Variants in WWOX observed in about 807,000 individuals in gnomAD.
WWOX encodes the protein WW domain-containing oxidoreductase.
In WWOX, 69 loss-of-function variants were observed where a neutral mutation model predicts 46.2. That is an observed-to-expected ratio of 1.49 (90% CI 1.23 to 1.82). The LOEUF is 1.82. Ranked by LOEUF, WWOX falls within the 40% of genes most tolerant of loss-of-function variation. The probability of loss-of-function intolerance (pLI) is 0.00; values close to 1 mark genes in which losing one functional copy is unlikely to be tolerated. For synonymous variants in WWOX, 359 were observed against 202.6 expected, an observed-to-expected ratio of 1.77 and a Z score of -6.56; for missense variants, 919 against 542.6, an observed-to-expected ratio of 1.69 and a Z score of -6.89.
chr16:78,837,708 C>G (rs11865891), intron 8 of WWOX, among the ~76,000 whole-genome samples: 1 of 152,102 alleles, frequency 6.6e-6, no homozygotes, highest in Non-Finnish European at 1.5e-5. Flanking sequence ...GATTAGAAAT[C>G]CAAGTGAATT....
At chr16:79,091,429 G>C (rs189923518) in intron 8 of WWOX, among the ~76,000 whole-genome samples, 4 of 152,098 alleles carry the variant, frequency 2.6e-5, no homozygotes, top group African/African-American at 9.7e-5. Flanking sequence ...ACATATACCA[G>C]CTTCCCCACT....
At chr16:78,321,755 A>G (rs1049507747) in intron 5 of WWOX, among the ~76,000 whole-genome samples, 21 of 152,198 alleles carry the variant, frequency 1.4e-4, no homozygotes, top group African/African-American at 4.8e-4. Context: ...TGGCGTCAGC[A>G]CACACATCAC....
chr16:78,430,197 C>G (rs1184547676), intron 7 of WWOX, among the ~76,000 whole-genome samples: 6 of 152,084 alleles, frequency 3.9e-5, no homozygotes, highest in Admixed American at 3.3e-4. Context: ...ATAAAACCAT[C>G]AGATTTCGTG....
chr16:78,375,340 C>G (rs1307435165), intron 5 of WWOX, among the ~76,000 whole-genome samples: 2 of 152,198 alleles, frequency 1.3e-5, no homozygotes, highest in Non-Finnish European at 1.5e-5. Flanking sequence ...GCCTGAGTTT[C>G]CAAATGGCTT....
At chr16:78,373,199 A>C (rs573576124) in intron 5 of WWOX, among the ~76,000 whole-genome samples, 5 of 152,110 alleles carry the variant, frequency 3.3e-5, no homozygotes, top group African/African-American at 1.2e-4. Context: ...TTCAGACTCA[A>C]TAGGTACTAG....
chr16:79,003,110 C>T (rs898664656), intron 8 of WWOX, among the ~76,000 whole-genome samples: 4 of 152,196 alleles, frequency 2.6e-5, no homozygotes, highest in Admixed American at 6.5e-5. Flanking sequence ...TTCCAGAACC[C>T]TCTTTTGCAG....
intron 5 of WWOX, among the ~76,000 whole-genome samples, chr16:78,284,684 A>G (rs1156780291): frequency 6.6e-6 from 1 of 152,216 alleles, no homozygotes; most frequent in Non-Finnish European, 1.5e-5. Flanking sequence ...CTCTGCAGGC[A>G]TTAATAAAAT....
rs181695287 is a variant in WWOX at position 78,209,935 on chromosome 16, G to A, written c.516+45646G>A. 2.6e-5 allele frequency among the ~76,000 whole-genome samples: 4 copies of A among 151,964 alleles called. No individual in the cohort carries two copies. In the East Asian group the frequency reaches 5.8e-4, roughly 22 times the overall value. ...AGTAATTTTCTTCGTTCTTTCTGAAGAATTGCCACACAGGGAATGAAAAGA... is the reference window on the plus strand; with the variant it reads ...AGTAATTTTCTTCGTTCTTTCTGAAAAATTGCCACACAGGGAATGAAAAGA... On this transcript the variant is annotated intron_variant, in intron 5 of 8. Coordinates refer to ENST00000566780, the MANE Select transcript of WWOX (RefSeq NM_016373.4).
At chr16:78,251,788 T>A (rs1937199415) in intron 5 of WWOX, among the ~76,000 whole-genome samples, 1 of 152,154 alleles carries the variant, frequency 6.6e-6, no homozygotes, top group Non-Finnish European at 1.5e-5. Context: ...TTAGTCAGCC[T>A]CTCCCTACTC....
chr16:78,905,795 C>T lies in WWOX; in HGVS notation c.1057-305813C>T, dbSNP rs118106384. On this transcript the variant is annotated intron_variant, in intron 8 of 8. Transcript: ENST00000566780. ...ATACAATGTAGTTTAAAACCAACTT[C>T]TTAGAACCATGAGCTAAGGGGGAAT... 1.5e-3 allele frequency among the ~76,000 whole-genome samples: 235 copies of T among 152,270 alleles called. 4 individuals carry two copies. In the East Asian group the frequency reaches 0.036, roughly 23 times the overall value.
At chr16:79,048,264 G>C (rs922415519) in intron 8 of WWOX, among the ~76,000 whole-genome samples, 2 of 152,050 alleles carry the variant, frequency 1.3e-5, no homozygotes, top group Non-Finnish European at 2.9e-5. Flanking sequence ...GCTGAGAAAA[G>C]TGATCCTGAA....
chr16:78,833,901 C>T (rs146185437), intron 8 of WWOX, among the ~76,000 whole-genome samples: 57 of 152,368 alleles, frequency 3.7e-4, no homozygotes, highest in African/African-American at 1.4e-3. Flanking sequence ...CTTTGTCTCC[C>T]AGTGGAATAT....
intron 8 of WWOX, among the ~76,000 whole-genome samples, chr16:79,171,415 C>G (rs1157903206): frequency 6.6e-6 from 1 of 152,208 alleles, no homozygotes. Flanking sequence ...TTAGCTCTCT[C>G]CATTTTTAAT....
chr16:78,177,166 G>A (rs1182817843), intron 5 of WWOX, among the ~76,000 whole-genome samples: 2 of 152,118 alleles, frequency 1.3e-5, no homozygotes, highest in African/African-American at 2.4e-5. Context: ...ATAAAAGGGC[G>A]GGTACACATT....
intron 8 of WWOX, chr16:78,896,338 C>G (rs960656183): frequency 6.6e-6 from 1 of 152,006 alleles, no homozygotes; most frequent in Non-Finnish European, 1.5e-5. Context: ...CCCAAAACCA[C>G]TTGGTGTTTA....
chr16:78,527,446 A>G (rs1481239199), intron 8 of WWOX, among the ~76,000 whole-genome samples: 8 of 151,824 alleles, frequency 5.3e-5, no homozygotes, highest in Non-Finnish European at 7.4e-5. Flanking sequence ...GGCATCCACC[A>G]TCACACCTGG....
intron 5 of WWOX, among the ~76,000 whole-genome samples, chr16:78,266,814 C>CTCTCTCTCTCTCTCTG (rs2079373823): frequency 6.6e-6 from 1 of 150,572 alleles, no homozygotes; most frequent in African/African-American, 2.5e-5. Context: ...CTCTCTCTCT[C>CTCTCTCTCTCTCTCTG]TCTCTCTCTC....
intron 8 of WWOX, among the ~76,000 whole-genome samples, chr16:78,488,287 G>A (rs2738704): frequency 0.17 from 25,285 of 152,032 alleles, 3,257 homozygotes; most frequent in African/African-American, 0.36. Flanking sequence ...TATTCTGTGA[G>A]TCTTCCAAGT....
intron 8 of WWOX, among the ~76,000 whole-genome samples, chr16:78,541,982 G>A (rs551241651): frequency 8.3e-6 from 1 of 120,010 alleles, no homozygotes; most frequent in Admixed American, 1.1e-4. Context: ...CATGTTTGAA[G>A]TCAGTTACCA....
Sources: gnomAD v4.1 joint callset for allele counts (sites outside exome capture counted in the v4.1 genomes callset) on GRCh38, gnomAD v4.1.1 for gene constraint, MANE v1.5 for transcripts, NCBI Gene and HGNC (gene_info 2026-07-23, HGNC 2026-07-21) for gene names.